Variants in GNG7 observed in about 807,000 individuals in gnomAD.
GNG7 encodes the protein guanine nucleotide-binding protein G(I)/G(S)/G(O) subunit gamma-7.
GNG7 carries 1 observed loss-of-function variant against 4.0 expected under a neutral mutation model. The ratio of observed to expected loss-of-function variants is 0.25; its 90% CI spans 0.09 to 1.18. The LOEUF (loss-of-function observed/expected upper bound fraction) is 1.18. Among genes scored for constraint, GNG7 ranks in the 50% most tolerant of loss-of-function variants. The probability of loss-of-function intolerance (pLI) is 0.50; values close to 1 mark genes in which losing one functional copy is unlikely to be tolerated. For synonymous variants in GNG7, 34 were observed against 36.9 expected, an observed-to-expected ratio of 0.92 and a Z score of 0.29; for missense variants, 86 against 91.9, an observed-to-expected ratio of 0.94 and a Z score of 0.26.
chr19:2,650,933 A>C (rs1040461946), intron 1 of GNG7, among the ~76,000 whole-genome samples: 2 of 152,142 alleles, frequency 1.3e-5, no homozygotes, highest in African/African-American at 4.8e-5. Context: ...CCTGTTCATA[A>C]ATTAGTATGG....
chr19:2,691,483 G>T (rs1332430334), intron 1 of GNG7, among the ~76,000 whole-genome samples: 5 of 152,060 alleles, frequency 3.3e-5, no homozygotes, highest in Non-Finnish European at 7.4e-5. Flanking sequence ...GGCGGAGGTT[G>T]CAGTGAACCA....
chr19:2,511,691 A>AG lies in GNG7; in HGVS notation c.*3330dup, dbSNP rs1210895966. ...AGATGGATGCGTGGCCTGGAGGCCTAGCGTTGCGCCTCGGACACGGTGGCC... is the reference window on the plus strand; with the variant it reads ...AGATGGATGCGTGGCCTGGAGGCCTAGGCGTTGCGCCTCGGACACGGTGGCC... On this transcript the variant is annotated 3_prime_UTR_variant, in exon 5 of 5. Coordinates refer to ENST00000382159, the MANE Select transcript of GNG7 (RefSeq NM_052847.3). The surrounding 1 kb of genome is among the most constrained non-coding windows in gnomAD (Gnocchi z 6.3). 1 of 559,616 alleles carries AG rather than the reference A, an allele frequency of 1.8e-6. No individual in the cohort carries two copies. The allele number at this position is 559,616 out of a possible 1,614,324, so 34.7% of individuals were successfully genotyped here.
chr19:2,693,944 C>T (rs1024539907), intron 1 of GNG7, among the ~76,000 whole-genome samples: 1 of 151,904 alleles, frequency 6.6e-6, no homozygotes, highest in Non-Finnish European at 1.5e-5. Context: ...ATTTTGTAAA[C>T]CCATCACTCG....
At chr19:2,577,844 C>CTT (rs112517007) in intron 2 of GNG7, among the ~76,000 whole-genome samples, 5 of 137,348 alleles carry the variant, frequency 3.6e-5, no homozygotes, top group East Asian at 2.1e-4. Flanking sequence ...TGTTATTTTC[C>CTT]TTTTTTTTTT....
In GNG7 at chr19:2,633,796, C is replaced by T. The variant is rs574407538; in HGVS notation, c.-78+12428G>A. On this transcript the variant is annotated intron_variant, in intron 2 of 4. Coordinates refer to ENST00000382159, the MANE Select transcript of GNG7 (RefSeq NM_052847.3). The surrounding 1 kb of genome is among the most constrained non-coding windows in gnomAD (Gnocchi z 5.9). Reference sequence around the variant, plus strand: ...ACCCGGGAGGCAGGTTCTTCTGCACCGGGCCTTCTCCCCCCGGCACTGTGG... The same window carrying T: ...ACCCGGGAGGCAGGTTCTTCTGCACTGGGCCTTCTCCCCCCGGCACTGTGG... 2.0e-5 allele frequency among the ~76,000 whole-genome samples: 3 copies of T among 152,230 alleles called. No homozygotes were observed. The highest frequency in any genetic ancestry group is 1.9e-4 in the East Asian group (1 of 5,158).
chr19:2,653,830 G>A lies in GNG7; in HGVS notation c.-134-7550C>T, dbSNP rs962058223. Among the ~76,000 whole-genome samples the A allele has an allele frequency of 6.6e-6, 1 of 152,212 alleles. No individual in the cohort carries two copies. The highest frequency in any genetic ancestry group is 1.5e-5 in the Non-Finnish European group (1 of 68,040). ...CCTCACTCAGCCCTCCTATCCACAGGTGACTCACAGTCCCCTTGGCACCAC... is the reference window on the plus strand; with the variant it reads ...CCTCACTCAGCCCTCCTATCCACAGATGACTCACAGTCCCCTTGGCACCAC... On this transcript the variant is annotated intron_variant, in intron 1 of 4. Coordinates refer to ENST00000382159, the MANE Select transcript of GNG7 (RefSeq NM_052847.3). This position sits in a 1 kb window ranked among gnomAD's most constrained non-coding sequence, Gnocchi z 4.8.
chr19:2,567,154 A>ACCC (rs35444785), intron 2 of GNG7, among the ~76,000 whole-genome samples: 178 of 145,932 alleles, frequency 1.2e-3, no homozygotes, highest in African/African-American at 4.3e-3. Context: ...AAAAAAAAAA[A>ACCC]CACAAAAACA....
intron 3 of GNG7, among the ~76,000 whole-genome samples, chr19:2,553,305 C>A (rs1181827221): frequency 1.3e-5 from 2 of 150,534 alleles, no homozygotes; most frequent in African/African-American, 4.9e-5. Context: ...CCTAGAAAAA[C>A]GCGAATGAAA....
rs555314032 is a variant in GNG7 at position 2,688,966 on chromosome 19, G to A, written c.-135+13680C>T. 4.6e-5 allele frequency among the ~76,000 whole-genome samples: 7 copies of A among 151,998 alleles called. No homozygotes were observed. In the South Asian group the frequency reaches 1.5e-3, roughly 32 times the overall value. ...TGTGGTCCCAGCTACTCAGGAGGCT[G>A]AGGTGGGAGGATCGCTTGAGCCCAG... On this transcript the variant is annotated intron_variant, in intron 1 of 4. Coordinates refer to ENST00000382159, the MANE Select transcript of GNG7 (RefSeq NM_052847.3).
chr19:2,594,450 G>GAAGGAAGA (rs1568256197), intron 2 of GNG7, among the ~76,000 whole-genome samples: 5 of 149,424 alleles, frequency 3.3e-5, no homozygotes, highest in Non-Finnish European at 7.4e-5. Flanking sequence ...AAGGAAGGAG[G>GAAGGAAGA]AAGAAAGAAA....
intron 2 of GNG7, chr19:2,642,522 CGCCTG>C (rs1982535850): frequency 2.8e-6 from 1 of 351,232 alleles, no homozygotes; most frequent in South Asian, 2.2e-5. Flanking sequence ...TGCACCACCA[CGCCTG>C]GCTAATTTCT....
chr19:2,657,361 A>AAATAAATAT (rs1555701153), intron 1 of GNG7, among the ~76,000 whole-genome samples: 1 of 16,342 alleles, frequency 6.1e-5, no homozygotes, highest in Non-Finnish European at 1.0e-4. Flanking sequence ...AAAAAAAAAA[A>AAATAAATAT]ATATATATAT....
At chr19:2,606,854 G>C (rs1296620959) in intron 2 of GNG7, among the ~76,000 whole-genome samples, 1 of 151,628 alleles carries the variant, frequency 6.6e-6, no homozygotes, top group African/African-American at 2.4e-5. Context: ...CAAGTTTCTG[G>C]AACTAGATAG....
At position 2,617,492 on chromosome 19, in the gene GNG7, C is replaced by T. The variant is rs1056819407; in HGVS notation, c.-78+28732G>A. The stretch of plus-strand genomic sequence containing the variant: ...GCTTCAGACTGTTCTTCTCCCCATC[C>T]TCCTCTCCACCTCCAGCCCTCAAAG... On this transcript the variant is annotated intron_variant, in intron 2 of 4. Transcript: ENST00000382159. This position sits in a 1 kb window ranked among gnomAD's most constrained non-coding sequence, Gnocchi z 4.7. Among the ~76,000 whole-genome samples the T allele has an allele frequency of 6.6e-6, 1 of 152,128 alleles. No individual in the cohort carries two copies. The highest frequency in any genetic ancestry group is 2.4e-5 in the African/African-American group (1 of 41,424).
intron 1 of GNG7, among the ~76,000 whole-genome samples, chr19:2,680,891 G>A (rs67714830): frequency 0.31 from 47,182 of 151,412 alleles, 8,372 homozygotes; most frequent in East Asian, 0.56. Context: ...TGCAACCTTC[G>A]TCTCCCGAGC....
At chr19:2,697,012 TG>T (rs1415898767) in intron 1 of GNG7, among the ~76,000 whole-genome samples, 2 of 148,148 alleles carry the variant, frequency 1.3e-5, no homozygotes. Context: ...GGCTAATTTT[TG>T]TATTTTTACT....
In GNG7 at chr19:2,609,596, G is replaced by A. The variant is rs561220763; in HGVS notation, c.-78+36628C>T. ...GATTGCAGTGATGTTTGCGCACCACGTCCCGAGTGCCAGAGCAGACAGGGT... is the reference window on the plus strand; with the variant it reads ...GATTGCAGTGATGTTTGCGCACCACATCCCGAGTGCCAGAGCAGACAGGGT... On this transcript the variant is annotated intron_variant, in intron 2 of 4. Transcript: ENST00000382159. This position sits in a 1 kb window ranked among gnomAD's most constrained non-coding sequence, Gnocchi z 4.4. Among the ~76,000 whole-genome samples, 22 of 152,150 alleles carry A rather than the reference G, an allele frequency of 1.4e-4. No homozygotes were observed. The highest frequency in any genetic ancestry group is 1.2e-4 in the Non-Finnish European group (8 of 68,038).
intron 2 of GNG7, among the ~76,000 whole-genome samples, chr19:2,589,792 C>T (rs1261440443): frequency 6.6e-6 from 1 of 152,138 alleles, no homozygotes. Flanking sequence ...GACAAAAGGC[C>T]ACACAGTGTG....
At chr19:2,547,321 C>T (rs115836191) in intron 3 of GNG7, among the ~76,000 whole-genome samples, 1 of 152,086 alleles carries the variant, frequency 6.6e-6, no homozygotes, top group African/African-American at 2.4e-5. Context: ...AAAATCAAGG[C>T]ACAGGCAGGG....
Sources: gnomAD v4.1 joint callset for allele counts (sites outside exome capture counted in the v4.1 genomes callset) on GRCh38, gnomAD v4.1.1 for gene constraint, Gnocchi (gnomAD v3.1) non-coding constraint, MANE v1.5 for transcripts, NCBI Gene and HGNC (gene_info 2026-07-23, HGNC 2026-07-21) for gene names.